Variants in NEK10 observed in about 807,000 individuals in gnomAD.
NEK10 encodes the protein serine/threonine-protein kinase Nek10.
Under a neutral mutation model 159.8 loss-of-function variants are expected in NEK10, and 122 were observed. The ratio of observed to expected loss-of-function variants is 0.76; its 90% CI spans 0.66 to 0.89. The LOEUF is 0.89. NEK10 is among the 40% of genes least tolerant of loss of function. NEK10 has a pLI of 0.00. For missense variants in NEK10, 1,342 were observed against 1,323.1 expected (o/e 1.01, Z -0.22); for synonymous variants, 466 against 457.1 (o/e 1.02, Z -0.25).
chr3:27,113,683 A>G (rs1939955525), intron 35 of NEK10, among the ~76,000 whole-genome samples: 1 of 152,286 alleles, frequency 6.6e-6, no homozygotes, highest in African/African-American at 2.4e-5. Context: ...GAAAATTTGC[A>G]ATGTCTTTTA....
At chr3:27,118,722 C>A (rs1275170745) in intron 33 of NEK10, among the ~76,000 whole-genome samples, 1 of 152,214 alleles carries the variant, frequency 6.6e-6, no homozygotes, top group Non-Finnish European at 1.5e-5. Flanking sequence ...TGCAGATAAA[C>A]TTCCCTGTCT....
rs980867241 is a variant in NEK10, at chr3:27,311,914, C to T, written c.568+185G>A. 88 of 553,838 alleles carry T rather than the reference C, an allele frequency of 1.6e-4. No individual in the cohort carries two copies. The Middle Eastern group carries it at 2.9e-3, about 18-fold the overall frequency. The allele number at this position is 553,838 out of a possible 1,614,324, so 34.3% of individuals were successfully genotyped here. A position where few individuals can be genotyped will look rare whatever the true frequency, so the allele number is the denominator to read the frequency against. ...TGCTTTTCAAGGTAAAGGTTGTAATCTAAACATCTTTCTTCTGGCTGTATG... is the reference window on the plus strand; with the variant it reads ...TGCTTTTCAAGGTAAAGGTTGTAATTTAAACATCTTTCTTCTGGCTGTATG... On this transcript the variant is annotated intron_variant, in intron 8 of 35. Coordinates refer to ENST00000691995, the MANE Select transcript of NEK10 (RefSeq NM_001394966.1).
Position 27,352,509 on chromosome 3 carries a change from T to A in NEK10, c.88A>T (p.Lys30Ter). 1 of 1,610,320 alleles carries A rather than the reference T, an allele frequency of 6.2e-7. No homozygotes were observed. The highest frequency in any genetic ancestry group is 1.1e-5 in the South Asian group (1 of 91,008). The change falls in exon 3 of 36, where the codon AAA becomes TAA. Residue 30 changes from lysine (K) to a stop codon, truncating the protein, a stop_gained. Transcript: ENST00000691995. LOFTEE classifies it high-confidence loss of function. ...ACGTTCAAAAGGCACCGAAGTCTTT[T>A]AAGATCTGAATAGTCCCTAGGAGAG... ...EITIRDYSDL[K>*]RLRCLLNVQS...
chr3:27,216,852 A>G (rs1309670149), intron 23 of NEK10, among the ~76,000 whole-genome samples: 1 of 152,222 alleles, frequency 6.6e-6, no homozygotes, highest in Non-Finnish European at 1.5e-5. Flanking sequence ...TATTAAACCA[A>G]TAAGTTGGGG....
intron 22 of NEK10, among the ~76,000 whole-genome samples, chr3:27,263,684 G>A (rs1275786760): frequency 6.6e-6 from 1 of 152,148 alleles, no homozygotes; most frequent in Non-Finnish European, 1.5e-5. Flanking sequence ...TATTAGGGTG[G>A]GAGTGACCTG....
At position 27,369,097 on chromosome 3, in the gene NEK10, C is replaced by T. The variant is rs1293933018; in HGVS notation, c.-38+128G>A. On this transcript the variant is annotated intron_variant, in intron 1 of 35. Coordinates refer to ENST00000691995, the MANE Select transcript of NEK10 (RefSeq NM_001394966.1). This position sits in a 1 kb window ranked among gnomAD's most constrained non-coding sequence, Gnocchi z 4.2. Reference sequence around the variant, plus strand: ...ACCACAGCCGCATTCTCTACCTCTGCCTCTTGTCTAGTGAAGCTGGCTCCC... The same window carrying T: ...ACCACAGCCGCATTCTCTACCTCTGTCTCTTGTCTAGTGAAGCTGGCTCCC... The T allele has an allele frequency of 3.9e-5, 6 of 152,466 alleles. No homozygotes were observed. The highest frequency in any genetic ancestry group is 7.3e-5 in the Non-Finnish European group (5 of 68,156). 9.4% of individuals were successfully genotyped at this position (152,466 alleles called of 1,614,324 possible).
intron 1 of NEK10, among the ~76,000 whole-genome samples, chr3:27,364,348 TTGTGTGTGTGTGTGTGTGTGTGTGTGTG>T (rs4016621): frequency 0.058 from 6,960 of 120,660 alleles, 249 homozygotes; most frequent in Middle Eastern, 0.11. Flanking sequence ...GCCTGGCTAA[TTGTGTGTGTGTGTGTGTGTGTGTGTGTG>T]TGTGTGTGTG....
At chr3:27,299,343 G>A (rs2043616923) in intron 13 of NEK10, among the ~76,000 whole-genome samples, 2 of 152,214 alleles carry the variant, frequency 1.3e-5, no homozygotes, top group Non-Finnish European at 2.9e-5. Context: ...TGTTGAGTCT[G>A]CTTGTACACA....
intron 1 of NEK10, among the ~76,000 whole-genome samples, chr3:27,362,642 A>G (rs1378637839): frequency 6.6e-6 from 1 of 151,546 alleles, no homozygotes; most frequent in African/African-American, 2.4e-5. Context: ...TTTTGCGCCA[A>G]CCTAACACAT....
chr3:27,297,133 T>C (rs373585624), intron 14 of NEK10, 46 bp downstream of exon 14: 86 of 1,275,862 alleles, frequency 6.7e-5, no homozygotes, highest in South Asian at 4.7e-4. Flanking sequence ...GGTGAGTTGA[T>C]TATGAATGGT....
rs542645432 is a variant in NEK10, at chr3:27,139,081, G to C, written c.2970+2401C>G. On this transcript the variant is annotated intron_variant, in intron 31 of 35. Transcript: ENST00000691995. ...CTTCTGCTACAGTGCTGATATGGCT[G>C]ATAATCGAAATTTAATCGAGCAGCT... Among the ~76,000 whole-genome samples, 4 of 152,264 alleles carry C rather than the reference G, an allele frequency of 2.6e-5. No individual in the cohort carries two copies. In the South Asian group the frequency reaches 8.3e-4, roughly 32 times the overall value.
At chr3:27,343,668 G>A (rs999033040) in intron 5 of NEK10, among the ~76,000 whole-genome samples, 2 of 152,080 alleles carry the variant, frequency 1.3e-5, no homozygotes, top group Non-Finnish European at 2.9e-5. Context: ...CAGAAAATTC[G>A]GACCTGACTG....
chr3:27,160,924 T>G (rs1945961358), intron 30 of NEK10, among the ~76,000 whole-genome samples: 1 of 152,070 alleles, frequency 6.6e-6, no homozygotes, highest in African/African-American at 2.4e-5. Context: ...AAAAAATGCT[T>G]TTGTGTATTC....
intron 4 of NEK10, among the ~76,000 whole-genome samples, chr3:27,345,830 T>G (rs570928534): frequency 3.9e-5 from 6 of 152,210 alleles, no homozygotes; most frequent in African/African-American, 1.4e-4. Flanking sequence ...AACCACTTCC[T>G]CATTGAGCAA....
chr3:27,317,958 A>G (rs937160478), intron 6 of NEK10, among the ~76,000 whole-genome samples: 3 of 151,958 alleles, frequency 2.0e-5, no homozygotes, highest in Non-Finnish European at 2.9e-5. Context: ...GCCCGCCACC[A>G]CGCCCGGCTA....
At chr3:27,201,359 C>A (rs1431477858) in intron 25 of NEK10, 151 bp downstream of exon 25, 3 of 652,706 alleles carry the variant, frequency 4.6e-6, no homozygotes, top group Non-Finnish European at 5.2e-6. Context: ...CAAATAGTCA[C>A]TGTTACTGAT....
At chr3:27,300,028 G>A (rs1402840508) in intron 13 of NEK10, among the ~76,000 whole-genome samples, 1 of 152,198 alleles carries the variant, frequency 6.6e-6, no homozygotes, top group Non-Finnish European at 1.5e-5. Context: ...TTGGGGGACT[G>A]TTGGGAAGGC....
chr3:27,226,897 C>A (rs985514928), intron 23 of NEK10, among the ~76,000 whole-genome samples: 1 of 152,136 alleles, frequency 6.6e-6, no homozygotes. Flanking sequence ...TCCTGTATTA[C>A]ATATGTATAG....
Position 27,291,533 on chromosome 3 carries a change from C to A in NEK10, c.1427G>T (p.Arg476Leu), listed in dbSNP as rs190723093. 1 of 1,611,162 alleles carries A rather than the reference C, an allele frequency of 6.2e-7. No homozygotes were observed. The highest frequency in any genetic ancestry group is 1.3e-5 in the African/African-American group (1 of 74,880). ...CAATTCTTCATAAGCACTGATATCA[C>A]GTACATAATGCCCTATGTCAATGAA... ...EIFIDIGHYVRDISAYEELVS... is the reference protein window; with the variant it reads ...EIFIDIGHYVLDISAYEELVS... The change falls in exon 17 of 36, where the codon CGT becomes CTT. Residue 476 changes from arginine to leucine, a missense_variant. Physicochemically the swap from Arg to Leu is moderately radical, Grantham distance 102. Coordinates refer to ENST00000691995, the MANE Select transcript of NEK10 (RefSeq NM_001394966.1).
Sources: gnomAD v4.1 joint callset for allele counts (sites outside exome capture counted in the v4.1 genomes callset) on GRCh38, gnomAD v4.1.1 for gene constraint, Gnocchi (gnomAD v3.1) non-coding constraint, MANE v1.5 for transcripts, NCBI Gene and HGNC (gene_info 2026-07-23, HGNC 2026-07-21) for gene names.